Variants in ATXN1 observed in about 807,000 individuals in gnomAD.
ATXN1 encodes the protein ataxin 1.
A neutral mutation model predicts 56.4 loss-of-function variants in ATXN1; 8 were observed. The observed-to-expected ratio is 0.14, with a 90% CI of 0.08 to 0.26. The LOEUF (loss-of-function observed/expected upper bound fraction) is 0.26. Among genes scored for constraint, ATXN1 ranks in the 10% least tolerant of loss-of-function variants. The pLI is 1.00. For synonymous variants in ATXN1, 514 were observed against 494.6 expected (o/e 1.04, Z -0.52); for missense variants, 987 against 1,106.5 (o/e 0.89, Z 1.53).
chr6:16,525,753 C>A (rs1299022023), intron 4 of ATXN1, among the ~76,000 whole-genome samples: 1 of 151,348 alleles, frequency 6.6e-6, no homozygotes, highest in Non-Finnish European at 1.5e-5. Flanking sequence ...ATGTCTGTAT[C>A]AAAACATCTC....
At chr6:16,377,967 T>C (rs1762176841) in intron 6 of ATXN1, among the ~76,000 whole-genome samples, 1 of 152,194 alleles carries the variant, frequency 6.6e-6, no homozygotes, top group South Asian at 2.1e-4. Flanking sequence ...TGAGCTCCAT[T>C]TGGGAAACTA....
intron 5 of ATXN1, among the ~76,000 whole-genome samples, chr6:16,520,278 T>C (rs1761261787): frequency 1.3e-5 from 2 of 152,222 alleles, no homozygotes; most frequent in Admixed American, 1.3e-4. Context: ...GGCCAGCTTC[T>C]GAGCTTCTTT....
At position 16,718,215 on chromosome 6, in the gene ATXN1, T is replaced by C. The variant is rs1345205128; in HGVS notation, c.-615+35018A>G. On this transcript the variant is annotated intron_variant, in intron 2 of 7. Coordinates refer to ENST00000436367, the MANE Select transcript of ATXN1 (RefSeq NM_001128164.2). ...AAGCAGAAAACAAAGGCTCAGTGTA[T>C]AGAAGTTAGAAAACTTTTAGCCACA... Among the ~76,000 whole-genome samples, 8 of 152,220 alleles carry C rather than the reference T, an allele frequency of 5.3e-5. No individual in the cohort carries two copies. In the East Asian group the frequency reaches 5.8e-4, roughly 11 times the overall value.
intron 6 of ATXN1, among the ~76,000 whole-genome samples, chr6:16,358,747 G>T (rs986392323): frequency 3.3e-5 from 5 of 152,132 alleles, no homozygotes; most frequent in African/African-American, 4.8e-5. Context: ...CAGGAGCCCC[G>T]CCCTCTTGGG....
intron 4 of ATXN1, among the ~76,000 whole-genome samples, chr6:16,544,636 C>G (rs1390925026): frequency 6.6e-6 from 1 of 152,042 alleles, no homozygotes; most frequent in Non-Finnish European, 1.5e-5. Context: ...CACTGGGATT[C>G]AAGTGAGGAT....
At chr6:16,458,216 C>T (rs1385039453) in intron 6 of ATXN1, among the ~76,000 whole-genome samples, 1 of 152,184 alleles carries the variant, frequency 6.6e-6, no homozygotes, top group Non-Finnish European at 1.5e-5. Flanking sequence ...TATGGATCCC[C>T]ACTGGGACCT....
At chr6:16,360,878 G>A (rs766542055) in intron 6 of ATXN1, among the ~76,000 whole-genome samples, 1 of 152,156 alleles carries the variant, frequency 6.6e-6, no homozygotes, top group African/African-American at 2.4e-5. Flanking sequence ...GTCTTTCCCT[G>A]TATTCAGGAA....
intron 7 of ATXN1, among the ~76,000 whole-genome samples, chr6:16,321,167 C>G (rs1172801832): frequency 6.6e-6 from 1 of 152,200 alleles, no homozygotes; most frequent in Non-Finnish European, 1.5e-5. Context: ...AGCAGCTAAC[C>G]TACTTCCTAC....
intron 3 of ATXN1, among the ~76,000 whole-genome samples, chr6:16,621,709 T>C (rs1300270630): frequency 2.0e-5 from 3 of 152,018 alleles, no homozygotes; most frequent in African/African-American, 7.2e-5. Flanking sequence ...CGAGATTCCA[T>C]CTCAAAAACA....
In ATXN1 at chr6:16,327,614, G is replaced by C. The variant is rs1231324386; in HGVS notation, c.697C>G (p.Leu233Val). 6.3e-7 allele frequency: 1 copy of C among 1,589,282 alleles called. No homozygotes were observed. The highest frequency in any genetic ancestry group is 8.6e-7 in the Non-Finnish European group (1 of 1,169,348). Residue 233 changes from leucine (L) to valine (V), a missense_variant, in exon 7 of 8, where the codon CTC becomes GTC. Leu to Val is a conservative substitution (Grantham distance 32, BLOSUM62 1). Coordinates refer to ENST00000436367, the MANE Select transcript of ATXN1 (RefSeq NM_001128164.2). ...GGTGGGGGGGACCCCGGGGTGATGA[G>C]CCCCGGAGCCCTGCTGAGGTGCTGC... is the stretch of plus-strand genomic sequence containing the variant. ...QQQHLSRAPG[L>V]ITPGSPPPAQ...
At chr6:16,708,933 G>A (rs552518749) in intron 2 of ATXN1, among the ~76,000 whole-genome samples, 10 of 152,028 alleles carry the variant, frequency 6.6e-5, no homozygotes, top group African/African-American at 2.2e-4. Flanking sequence ...GGCTGAGGCA[G>A]GAGAATCACT....
At chr6:16,658,225 A>C (rs1264324756) in intron 2 of ATXN1, among the ~76,000 whole-genome samples, 1 of 152,236 alleles carries the variant, frequency 6.6e-6, no homozygotes, top group Non-Finnish European at 1.5e-5. Context: ...AAAGATGTGA[A>C]TAAAGAAAAA....
chr6:16,301,252 C>T lies in ATXN1; in HGVS notation c.*5077G>A, dbSNP rs1230159034. ...TTCAAAATTTTGTTTTCTTCAGCTTCTCAAATCAGGTGTACATTTAAAAAA... is the reference window on the plus strand; with the variant it reads ...TTCAAAATTTTGTTTTCTTCAGCTTTTCAAATCAGGTGTACATTTAAAAAA... On this transcript the variant is annotated 3_prime_UTR_variant, in exon 8 of 8. Coordinates refer to ENST00000436367, the MANE Select transcript of ATXN1 (RefSeq NM_001128164.2). 6.6e-6 allele frequency: 1 copy of T among 152,514 alleles called. No individual in the cohort carries two copies. The highest frequency in any genetic ancestry group is 1.5e-5 in the Non-Finnish European group (1 of 68,026). The allele number at this position is 152,514 out of a possible 1,614,324, so 9.4% of individuals were successfully genotyped here.
intron 4 of ATXN1, among the ~76,000 whole-genome samples, chr6:16,559,803 G>C (rs1314069132): frequency 6.6e-6 from 1 of 151,962 alleles, no homozygotes; most frequent in African/African-American, 2.4e-5. Flanking sequence ...AATATAAAAG[G>C]AGCAAAGTAC....
intron 6 of ATXN1, among the ~76,000 whole-genome samples, chr6:16,451,439 T>A (rs948884296): frequency 3.3e-5 from 5 of 152,142 alleles, no homozygotes. Flanking sequence ...CACTCCAGCC[T>A]GGGCGACAGA....
chr6:16,643,053 T>C (rs535470247), intron 3 of ATXN1, among the ~76,000 whole-genome samples: 3 of 152,194 alleles, frequency 2.0e-5, no homozygotes, highest in South Asian at 2.1e-4. Context: ...GTGGATCACC[T>C]GGGGTCAGGA....
chr6:16,582,015 C>T (rs1357988900), intron 4 of ATXN1, among the ~76,000 whole-genome samples: 2 of 152,114 alleles, frequency 1.3e-5, no homozygotes, highest in African/African-American at 4.8e-5. Flanking sequence ...CTTTACTGGC[C>T]CTAGCAACTG....
intron 2 of ATXN1, among the ~76,000 whole-genome samples, chr6:16,691,557 A>G (rs1369194827): frequency 1.3e-5 from 2 of 152,262 alleles, no homozygotes; most frequent in African/African-American, 2.4e-5. Flanking sequence ...TTAAGTAGGT[A>G]CTATTAGTTA....
intron 4 of ATXN1, among the ~76,000 whole-genome samples, chr6:16,564,906 CAAG>C (rs1293906057): frequency 6.6e-6 from 1 of 152,078 alleles, no homozygotes; most frequent in Non-Finnish European, 1.5e-5. Context: ...CCTGAATAAA[CAAG>C]ACTTTCTTCC....
Sources: gnomAD v4.1 joint callset for allele counts (sites outside exome capture counted in the v4.1 genomes callset) on GRCh38, gnomAD v4.1.1 for gene constraint, MANE v1.5 for transcripts, NCBI Gene and HGNC (gene_info 2026-07-23, HGNC 2026-07-21) for gene names.